Variants in AFG2A observed in about 807,000 individuals in gnomAD.
The protein encoded by AFG2A is AAA ATPase AFG2A, also known as ATPase family gene 2 protein homolog A.
At chr4:123,109,571 A>G in the AFG2A span, among the ~76,000 whole-genome samples, 4 of 152,170 alleles carry the variant, frequency 2.6e-5, no homozygotes, top group African/African-American at 9.6e-5. Context: ...ATTGAGCCTC[A>G]TAGGAAAAGA....
At chr4:123,262,345 T>A in the AFG2A span, among the ~76,000 whole-genome samples, 4 of 152,182 alleles carry the variant, frequency 2.6e-5, no homozygotes, top group Admixed American at 1.3e-4. Flanking sequence ...ACCCTAACTC[T>A]ATGAGAGCAG....
the AFG2A span, among the ~76,000 whole-genome samples, chr4:123,152,121 C>T: frequency 7.2e-6 from 1 of 139,208 alleles, no homozygotes; most frequent in Non-Finnish European, 1.5e-5. Flanking sequence ...ACACTGGGGC[C>T]TGTTGGGGGA....
At chr4:123,055,767 G>A in the AFG2A span, among the ~76,000 whole-genome samples, 1 of 152,174 alleles carries the variant, frequency 6.6e-6, no homozygotes, top group Admixed American at 6.5e-5. Context: ...TCTTCGGGAT[G>A]TATGAGGAAC....
chr4:123,091,298 T>C, the AFG2A span, among the ~76,000 whole-genome samples: 4 of 152,250 alleles, frequency 2.6e-5, no homozygotes, highest in African/African-American at 4.8e-5. Context: ...ACAAAGGATC[T>C]TAAACTAAAG....
chr4:123,005,034 C>G, the AFG2A span, among the ~76,000 whole-genome samples: 2 of 152,048 alleles, frequency 1.3e-5, no homozygotes, highest in Non-Finnish European at 2.9e-5. Flanking sequence ...TTTTTAATAT[C>G]TGTTGGATCA....
the AFG2A span, among the ~76,000 whole-genome samples, chr4:123,037,733 C>T: frequency 6.6e-6 from 1 of 152,064 alleles, no homozygotes; most frequent in African/African-American, 2.4e-5. Context: ...ATTTGAATTG[C>T]TGGTACTGTG....
chr4:122,996,862 G>C, the AFG2A span, among the ~76,000 whole-genome samples: 3 of 152,220 alleles, frequency 2.0e-5, no homozygotes, highest in African/African-American at 4.8e-5. Context: ...AGAACGTAGA[G>C]TCCCAATATC....
the AFG2A span, among the ~76,000 whole-genome samples, chr4:123,269,587 G>A: frequency 1.3e-5 from 2 of 152,078 alleles, no homozygotes; most frequent in Admixed American, 6.6e-5. Flanking sequence ...ATAAAAATTG[G>A]AACCTCTAGT....
chr4:123,171,152 C>T, the AFG2A span, among the ~76,000 whole-genome samples: 1 of 152,124 alleles, frequency 6.6e-6, no homozygotes, highest in Non-Finnish European at 1.5e-5. Context: ...GTTTCCATGT[C>T]TGGAACACGG....
At chr4:123,187,777 C>G in the AFG2A span, among the ~76,000 whole-genome samples, 1 of 152,026 alleles carries the variant, frequency 6.6e-6, no homozygotes, top group African/African-American at 2.4e-5. Flanking sequence ...GGGAGGATCT[C>G]TTGAACCAAG....
chr4:123,201,569 T>C, the AFG2A span, among the ~76,000 whole-genome samples: 1 of 152,226 alleles, frequency 6.6e-6, no homozygotes, highest in Non-Finnish European at 1.5e-5. Context: ...TCAGGTGTTC[T>C]TTTAACCTTC....
chr4:122,932,678 G>T, the AFG2A span, among the ~76,000 whole-genome samples: 1 of 152,142 alleles, frequency 6.6e-6, no homozygotes, highest in Non-Finnish European at 1.5e-5. Context: ...ATTTAGGTGT[G>T]TTCACTTCCT....
the AFG2A span, among the ~76,000 whole-genome samples, chr4:123,137,683 G>A: frequency 1.3e-5 from 2 of 152,074 alleles, no homozygotes. Context: ...ATACCATTTA[G>A]TATAAATTTC....
the AFG2A span, among the ~76,000 whole-genome samples, chr4:123,294,437 A>C: frequency 6.6e-6 from 1 of 152,178 alleles, no homozygotes; most frequent in South Asian, 2.1e-4. Flanking sequence ...ATCCCTTCCA[A>C]ACCTATCTTT....
the AFG2A span, among the ~76,000 whole-genome samples, chr4:123,060,568 C>T: frequency 6.6e-6 from 1 of 152,182 alleles, no homozygotes; most frequent in Non-Finnish European, 1.5e-5. Flanking sequence ...TTTAGCCATG[C>T]CTGGAGCGGC....
At chr4:122,974,196 G>A in the AFG2A span, among the ~76,000 whole-genome samples, 1 of 151,782 alleles carries the variant, frequency 6.6e-6, no homozygotes, top group African/African-American at 2.4e-5. Context: ...TATTGCCTGT[G>A]TTTTCTAGAC....
the AFG2A span, chr4:123,256,058 C>T: frequency 1.2e-6 from 2 of 1,614,020 alleles, no homozygotes; most frequent in Non-Finnish European, 1.7e-6. Flanking sequence ...CATCTATGTG[C>T]CTTTACCGGA....
the AFG2A span, among the ~76,000 whole-genome samples, chr4:123,067,013 A>G: frequency 6.6e-6 from 1 of 152,164 alleles, no homozygotes; most frequent in African/African-American, 2.4e-5. Context: ...CTGTTGCAGC[A>G]TTTTACTAGG....
At chr4:123,082,528 T>TC in the AFG2A span, among the ~76,000 whole-genome samples, 4 of 89,152 alleles carry the variant, frequency 4.5e-5, no homozygotes, top group Admixed American at 1.0e-4. Flanking sequence ...TTTTTCTTTT[T>TC]TTTTTTTTTT....
Sources: allele counts gnomAD v4.1 joint callset (sites outside exome capture counted in the v4.1 genomes callset), GRCh38; gene constraint gnomAD v4.1.1; transcripts MANE v1.5; gene names NCBI Gene and HGNC (gene_info 2026-07-23, HGNC 2026-07-21).